The following TRPC7 variants were observed in gnomAD, a reference collection of about 807,000 sequenced individuals.
TRPC7 encodes the protein transient receptor potential cation channel subfamily C member 7, also known as short transient receptor potential channel 7.
In TRPC7, 42 loss-of-function variants were observed where a neutral mutation model predicts 90.1. That is an observed-to-expected ratio of 0.47 (90% CI 0.36 to 0.60). TRPC7 has a LOEUF of 0.60. Ranked by LOEUF, TRPC7 falls within the 20% of genes least tolerant of loss-of-function variation. The pLI, the probability that TRPC7 is intolerant of heterozygous loss-of-function variation, is 0.00. For synonymous variants in TRPC7, 451 were observed against 436.3 expected (o/e 1.03, Z -0.42); for missense variants, 955 against 1,112.3 (o/e 0.86, Z 2.01).
chr5:136,356,936 A>C lies in TRPC7; in HGVS notation c.452T>G (p.Phe151Cys). 6.2e-7 allele frequency: 1 copy of C among 1,613,302 alleles called. No homozygotes were observed. Among genetic ancestry groups the C allele is most frequent in the Non-Finnish European group, 8.5e-7 (1 of 1,179,856 alleles). The change falls in exon 2 of 12, where the codon TTC becomes TGC. Residue 151 changes from phenylalanine to cysteine, a missense_variant. This residue lies in a region of TRPC7 where 484 missense variants were observed against 509.6 expected (regional missense o/e 0.95). Coordinates refer to ENST00000513104, the MANE Select transcript of TRPC7 (RefSeq NM_020389.3). ...CGTGCCGTCCTCGTCGTAGGCATAGAAGTCGTCGTCGCGCAGCTCCTGTTC... is the reference window on the plus strand; with the variant it reads ...CGTGCCGTCCTCGTCGTAGGCATAGCAGTCGTCGTCGCGCAGCTCCTGTTC... ...PLEQELRDDD[F>C]YAYDEDGTRF...
At chr5:136,218,044 TATATATAATATA>T (rs1755329163) in intron 10 of TRPC7, among the ~76,000 whole-genome samples, 2 of 143,922 alleles carry the variant, frequency 1.4e-5, no homozygotes, top group African/African-American at 2.5e-5. Context: ...AAAAAGAATA[TATATATAATATA>T]ATATATAATA....
At position 136,293,823 on chromosome 5, in the gene TRPC7, G is replaced by A. The variant is rs1023136232; in HGVS notation, c.964-18986C>T. 1.4e-4 allele frequency among the ~76,000 whole-genome samples: 21 copies of A among 152,208 alleles called. No individual in the cohort carries two copies. In the South Asian group the frequency reaches 2.3e-3, roughly 17 times the overall value. On this transcript the variant is annotated intron_variant, in intron 3 of 11. Coordinates refer to ENST00000513104, the MANE Select transcript of TRPC7 (RefSeq NM_020389.3). ...TTCATATGGAACCAAAAAAGAGCCCGCATTGCCAGGTCAATCCTAAGCCAA... is the reference window on the plus strand; with the variant it reads ...TTCATATGGAACCAAAAAAGAGCCCACATTGCCAGGTCAATCCTAAGCCAA...
intron 2 of TRPC7, among the ~76,000 whole-genome samples, chr5:136,340,154 T>C (rs1759799163): frequency 6.6e-6 from 1 of 152,216 alleles, no homozygotes; most frequent in Non-Finnish European, 1.5e-5. Context: ...AAGCAAGAAG[T>C]TCTTGTTATT....
intron 4 of TRPC7, among the ~76,000 whole-genome samples, chr5:136,266,899 T>C (rs995788004): frequency 6.6e-6 from 1 of 152,256 alleles, no homozygotes; most frequent in Non-Finnish European, 1.5e-5. Context: ...CATTTCTCAC[T>C]AGGTACTGCT....
At chr5:136,315,545 G>T in intron 3 of TRPC7, 52 bp downstream of exon 3, 1 of 1,589,604 alleles carries the variant, frequency 6.3e-7, no homozygotes, top group East Asian at 2.2e-5. Context: ...AAGGCCAGCA[G>T]CCCCGAGAAG....
intron 5 of TRPC7, among the ~76,000 whole-genome samples, chr5:136,257,770 G>T (rs1165581564): frequency 6.6e-6 from 1 of 152,110 alleles, no homozygotes; most frequent in Non-Finnish European, 1.5e-5. Flanking sequence ...TGTGCAACCG[G>T]TATTTTTTAA....
intron 7 of TRPC7, 86 bp from the exon 8 acceptor site, chr5:136,231,635 C>CAAGATAA: frequency 1.5e-6 from 2 of 1,297,816 alleles, no homozygotes; most frequent in Non-Finnish European, 2.1e-6. Context: ...GACAGGGTCT[C>CAAGATAA]ACTCTGTTGC....
chr5:136,275,759 C>T (rs945266510), intron 3 of TRPC7, among the ~76,000 whole-genome samples: 2 of 152,194 alleles, frequency 1.3e-5, no homozygotes, highest in Admixed American at 6.5e-5. Context: ...ATCAGATTTT[C>T]TTTCCTGCGT....
chr5:136,218,804 T>C (rs1320165763), intron 10 of TRPC7, among the ~76,000 whole-genome samples: 1 of 152,186 alleles, frequency 6.6e-6, no homozygotes, highest in African/African-American at 2.4e-5. Flanking sequence ...AGTGCTTCCA[T>C]AGACCAGGAT....
chr5:136,233,469 G>A (rs547104939), intron 7 of TRPC7, among the ~76,000 whole-genome samples: 2 of 152,278 alleles, frequency 1.3e-5, no homozygotes, highest in South Asian at 2.1e-4. Flanking sequence ...TATCACACTC[G>A]TGGAAGGGAA....
chr5:136,327,626 G>A (rs1287119857), intron 2 of TRPC7, among the ~76,000 whole-genome samples: 1 of 152,196 alleles, frequency 6.6e-6, no homozygotes, highest in Non-Finnish European at 1.5e-5. Context: ...GGAGAATCAC[G>A]TGCAGGTTCT....
chr5:136,277,675 G>A (rs1281331576), intron 3 of TRPC7, among the ~76,000 whole-genome samples: 6 of 152,182 alleles, frequency 3.9e-5, no homozygotes, highest in Non-Finnish European at 5.9e-5. Flanking sequence ...TTTCAAAAGC[G>A]GGGTCAGAGA....
intron 2 of TRPC7, among the ~76,000 whole-genome samples, chr5:136,318,319 C>A (rs911675028): frequency 6.6e-6 from 1 of 152,162 alleles, no homozygotes; most frequent in Non-Finnish European, 1.5e-5. Flanking sequence ...CTGAGGTCTG[C>A]CAGATCTAAT....
intron 3 of TRPC7, among the ~76,000 whole-genome samples, chr5:136,302,844 G>A (rs1411862616): frequency 6.6e-6 from 1 of 152,038 alleles, no homozygotes; most frequent in Non-Finnish European, 1.5e-5. Flanking sequence ...CCTAGTCTCT[G>A]TGCCCAATGA....
chr5:136,301,402 A>G (rs1254438274), intron 3 of TRPC7, among the ~76,000 whole-genome samples: 1 of 135,050 alleles, frequency 7.4e-6, no homozygotes, highest in Non-Finnish European at 1.5e-5. Flanking sequence ...AAGCCAAGCC[A>G]TCACATCCCC....
intron 2 of TRPC7, among the ~76,000 whole-genome samples, chr5:136,339,865 A>C (rs2149851480): frequency 6.6e-6 from 1 of 152,242 alleles, no homozygotes; most frequent in East Asian, 1.9e-4. Context: ...CAACAACAAC[A>C]ACAACAACAA....
At chr5:136,297,355 C>T (rs2149828602) in intron 3 of TRPC7, among the ~76,000 whole-genome samples, 2 of 152,204 alleles carry the variant, frequency 1.3e-5, no homozygotes, top group East Asian at 1.9e-4. Context: ...CTTGGATCTG[C>T]CTAGCAACAC....
chr5:136,303,682 G>A (rs1224131781), intron 3 of TRPC7: 1 of 152,012 alleles, frequency 6.6e-6, no homozygotes, highest in East Asian at 1.9e-4. Flanking sequence ...CTGAAAATCA[G>A]ACTGTTCAAC....
At chr5:136,271,763 C>T (rs192997158) in intron 4 of TRPC7, among the ~76,000 whole-genome samples, 5 of 152,286 alleles carry the variant, frequency 3.3e-5, no homozygotes, top group East Asian at 1.9e-4. Context: ...TATCATTATA[C>T]GTAGCCATCT....
Sources: allele counts gnomAD v4.1 joint callset (sites outside exome capture counted in the v4.1 genomes callset), GRCh38; gene constraint gnomAD v4.1.1; regional missense constraint gnomAD v4.1.1; transcripts MANE v1.5; gene names NCBI Gene and HGNC (gene_info 2026-07-23, HGNC 2026-07-21).